Variants in ATG5 observed in about 807,000 individuals in gnomAD.
ATG5 encodes the protein autophagy protein 5.
In ATG5, 14 loss-of-function variants were observed where a neutral mutation model predicts 36.5. That is an observed-to-expected ratio of 0.38 (90% CI 0.25 to 0.60). ATG5 has a LOEUF of 0.60. Among genes scored for constraint, ATG5 ranks in the 20% least tolerant of loss-of-function variants. The pLI, the probability that ATG5 is intolerant of heterozygous loss-of-function variation, is 0.60. For synonymous variants in ATG5, 95 were observed against 101.5 expected, an observed-to-expected ratio of 0.94 and a Z score of 0.38; for missense variants, 195 against 326.7, an observed-to-expected ratio of 0.60 and a Z score of 3.11.
At chr6:106,288,990 CA>C (rs1337835968) in intron 4 of ATG5, among the ~76,000 whole-genome samples, 3 of 151,770 alleles carry the variant, frequency 2.0e-5, no homozygotes, top group South Asian at 2.1e-4. Flanking sequence ...TGATATTGCA[CA>C]AAAAAATCTA....
intron 6 of ATG5, among the ~76,000 whole-genome samples, chr6:106,227,018 A>C (rs1457933423): frequency 6.6e-6 from 1 of 152,180 alleles, no homozygotes; most frequent in Non-Finnish European, 1.5e-5. Context: ...AAGAAGATGC[A>C]GAAAAAGGGT....
At chr6:106,229,237 T>A (rs966911387) in intron 6 of ATG5, among the ~76,000 whole-genome samples, 3 of 152,262 alleles carry the variant, frequency 2.0e-5, no homozygotes, top group African/African-American at 7.2e-5. Flanking sequence ...ATCTAGGCTA[T>A]AAACCCAGGG....
chr6:106,244,729 G>A (rs1395425194), intron 6 of ATG5, among the ~76,000 whole-genome samples: 2 of 152,106 alleles, frequency 1.3e-5, no homozygotes, highest in East Asian at 1.9e-4. Flanking sequence ...ACATAATATC[G>A]ATCATCAGTT....
intron 7 of ATG5, among the ~76,000 whole-genome samples, chr6:106,195,581 T>C (rs1011528942): frequency 3.9e-5 from 6 of 152,114 alleles, no homozygotes; most frequent in Admixed American, 3.9e-4. Flanking sequence ...GTGTTAGAGA[T>C]GTGGCTTCCT....
intron 6 of ATG5, among the ~76,000 whole-genome samples, chr6:106,245,607 C>T (rs925793974): frequency 6.6e-6 from 1 of 152,170 alleles, no homozygotes; most frequent in Admixed American, 6.5e-5. Context: ...GGGCCTCACT[C>T]AAGCATGCTC....
At chr6:106,294,863 A>AAAAAAAAAAAAAAAT in intron 3 of ATG5, among the ~76,000 whole-genome samples, 1 of 150,750 alleles carries the variant, frequency 6.6e-6, no homozygotes, top group African/African-American at 2.4e-5. Flanking sequence ...AAAAAAAAAG[A>AAAAAAAAAAAAAAAT]ATTTAGGATG....
At chr6:106,312,613 CAA>C (rs1235072813) in intron 2 of ATG5, among the ~76,000 whole-genome samples, 1 of 137,174 alleles carries the variant, frequency 7.3e-6, no homozygotes, top group African/African-American at 2.8e-5. Flanking sequence ...AAAGATCTGG[CAA>C]AAAAGACTAC....
intron 5 of ATG5, among the ~76,000 whole-genome samples, chr6:106,254,692 A>G (rs147745500): frequency 6.6e-6 from 1 of 152,314 alleles, no homozygotes; most frequent in African/African-American, 2.4e-5. Context: ...GTTTCCTATT[A>G]TCATTATCTT....
intron 2 of ATG5, among the ~76,000 whole-genome samples, chr6:106,309,756 A>C (rs1310224412): frequency 6.6e-6 from 1 of 152,176 alleles, no homozygotes; most frequent in Non-Finnish European, 1.5e-5. Context: ...AAGTCTCTTT[A>C]AAAAAGCAAA....
intron 2 of ATG5, among the ~76,000 whole-genome samples, chr6:106,311,913 G>A (rs775821657): frequency 3.3e-5 from 5 of 150,606 alleles, no homozygotes; most frequent in Admixed American, 1.3e-4. Context: ...TCACTGCAAC[G>A]TCTACCTCCC....
chr6:106,252,642 A>G lies in ATG5; in HGVS notation c.479-4398T>C, dbSNP rs1474717131. ...AGAGGTAAAAACTCAAGGCAAAATAATTCTTATGCCACAAATAACATGTCT... is the reference window on the plus strand; with the variant it reads ...AGAGGTAAAAACTCAAGGCAAAATAGTTCTTATGCCACAAATAACATGTCT... On this transcript the variant is annotated intron_variant, in intron 5 of 7. Coordinates refer to ENST00000369076, the MANE Select transcript of ATG5 (RefSeq NM_004849.4). Among the ~76,000 whole-genome samples, 3 of 152,230 alleles carry G rather than the reference A, an allele frequency of 2.0e-5. No individual in the cohort carries two copies. The East Asian group carries it at 5.8e-4, about 29-fold the overall frequency.
chr6:106,294,125 T>C lies in ATG5; in HGVS notation c.237-1019A>G, dbSNP rs182533045. Among the ~76,000 whole-genome samples the C allele has an allele frequency of 1.4e-4, 21 of 152,318 alleles. No individual in the cohort carries two copies. The East Asian group carries it at 3.7e-3, about 27-fold the overall frequency. ...ATTTTGTAGTCTTAGATTCTGGATT[T>C]CAAATTGTGGGATTTGGGATGCTCA... is the stretch of plus-strand genomic sequence containing the variant. On this transcript the variant is annotated intron_variant, in intron 3 of 7. Transcript: ENST00000369076.
At chr6:106,203,034 G>A (rs1582543793) in intron 6 of ATG5, among the ~76,000 whole-genome samples, 1 of 152,182 alleles carries the variant, frequency 6.6e-6, no homozygotes, top group South Asian at 2.1e-4. Flanking sequence ...GAGAATGTGT[G>A]TGTGTGTGAA....
chr6:106,293,062 G>A lies in ATG5; in HGVS notation c.281C>T (p.Ser94Leu), dbSNP rs1780380455. Residue 94 changes from serine to leucine, a missense_variant, in exon 4 of 8, where the codon TCA (serine) becomes TTA (leucine). Ser to Leu is a moderately radical substitution (Grantham distance 145, BLOSUM62 -2). Transcript: ENST00000369076. ...GLLFDLLASS[S>L]ALPWNITVHF... is the part of the protein sequence containing the mutation. Reference sequence around the variant, plus strand: ...TACTGTGATGTTCCAAGGAAGAGCTGAACTTGATGCAAGAAGATCAAATAG... The same window carrying A: ...TACTGTGATGTTCCAAGGAAGAGCTAAACTTGATGCAAGAAGATCAAATAG... 6.2e-7 allele frequency: 1 copy of A among 1,613,478 alleles called. No homozygotes were observed. Among genetic ancestry groups the A allele is most frequent in the Non-Finnish European group, 8.5e-7 (1 of 1,179,712 alleles).
intron 5 of ATG5, among the ~76,000 whole-genome samples, chr6:106,270,976 A>G (rs1046209431): frequency 6.6e-6 from 1 of 152,082 alleles, no homozygotes; most frequent in African/African-American, 2.4e-5. Flanking sequence ...CCTAAATATC[A>G]CCATATTCTT....
chr6:106,258,629 AGGGTCATCAG>A (rs1030141399), intron 5 of ATG5, among the ~76,000 whole-genome samples: 3 of 152,236 alleles, frequency 2.0e-5, no homozygotes, highest in Admixed American at 2.0e-4. Context: ...TGACATGCCC[AGGGTCATCAG>A]GCTAGTAGCT....
chr6:106,212,352 A>T (rs1291855113), intron 6 of ATG5, among the ~76,000 whole-genome samples: 2 of 152,220 alleles, frequency 1.3e-5, no homozygotes, highest in African/African-American at 4.8e-5. Flanking sequence ...TAAAAACCCT[A>T]TTGGATGGCT....
At chr6:106,220,305 C>A (rs57178542) in intron 6 of ATG5, among the ~76,000 whole-genome samples, 3,744 of 152,228 alleles carry the variant, frequency 0.025, 63 homozygotes, top group African/African-American at 0.049. Context: ...GTACTTATAT[C>A]ATCTCCTTAG....
At chr6:106,303,681 A>G (rs1770302940) in intron 3 of ATG5, among the ~76,000 whole-genome samples, 1 of 152,212 alleles carries the variant, frequency 6.6e-6, no homozygotes. Context: ...AACTGAATCC[A>G]ACAATGTATA....
Sources: allele counts gnomAD v4.1 joint callset (sites outside exome capture counted in the v4.1 genomes callset), GRCh38; gene constraint gnomAD v4.1.1; transcripts MANE v1.5; gene names NCBI Gene and HGNC (gene_info 2026-07-23, HGNC 2026-07-21).